SAP130: variants seen among roughly 807,000 people sequenced by gnomAD.
The protein encoded by SAP130 is histone deacetylase complex subunit SAP130.
SAP130 carries 16 observed loss-of-function variants against 103.2 expected under a neutral mutation model. The observed-to-expected ratio is 0.16, with a 90% confidence interval of 0.10 to 0.24. The LOEUF (loss-of-function observed/expected upper bound fraction) is 0.24, where lower values mean the gene tolerates loss of function less well. Among genes scored for constraint, SAP130 ranks in the 10% least tolerant of loss-of-function variants. The pLI, the probability that SAP130 is intolerant of heterozygous loss-of-function variation, is 1.00. For missense variants in SAP130, 990 were observed against 1,359.7 expected (o/e 0.73, Z 4.28); for synonymous variants, 477 against 497.0 (o/e 0.96, Z 0.53).
chr2:127,965,237 T>C (rs1205783371), intron 15 of SAP130, among the ~76,000 whole-genome samples: 3 of 150,176 alleles, frequency 2.0e-5, no homozygotes, highest in Non-Finnish European at 4.4e-5. Context: ...GCAGAGGTTG[T>C]GGTGAGCCGA....
intron 4 of SAP130, among the ~76,000 whole-genome samples, chr2:128,015,834 G>A (rs1469128484): frequency 2.0e-5 from 3 of 151,742 alleles, no homozygotes; most frequent in South Asian, 2.1e-4. Flanking sequence ...CTAGCTACTC[G>A]GGAGGCTGAG....
chr2:128,027,852 C>T, intron 1 of SAP130, 88 bp downstream of exon 1: 1 of 847,842 alleles, frequency 1.2e-6, no homozygotes, highest in Non-Finnish European at 1.4e-6. Context: ...CCCGGGGACG[C>T]GCAACGGGAC....
At chr2:127,945,883 G>A (rs907113228) in intron 18 of SAP130, among the ~76,000 whole-genome samples, 3 of 152,284 alleles carry the variant, frequency 2.0e-5, no homozygotes, top group Admixed American at 6.5e-5. Context: ...GAACTCCTGG[G>A]CTCAAGCAAT....
At chr2:128,025,252 G>A (rs952435275) in intron 2 of SAP130, among the ~76,000 whole-genome samples, 11 of 152,314 alleles carry the variant, frequency 7.2e-5, no homozygotes, top group Admixed American at 5.9e-4. Context: ...TTACCTTGCA[G>A]GATGTTAAGC....
intron 7 of SAP130, among the ~76,000 whole-genome samples, chr2:128,008,259 T>C (rs1048270069): frequency 6.6e-6 from 1 of 152,178 alleles, no homozygotes; most frequent in Non-Finnish European, 1.5e-5. Flanking sequence ...TTGGAGATCA[T>C]GAGGAAAAAC....
chr2:128,007,597 G>A (rs1026874724), intron 7 of SAP130, among the ~76,000 whole-genome samples: 4 of 152,106 alleles, frequency 2.6e-5, no homozygotes, highest in African/African-American at 9.7e-5. Flanking sequence ...TGTACCTCAG[G>A]CAACATATTT....
intron 14 of SAP130, among the ~76,000 whole-genome samples, chr2:127,981,132 G>A (rs934892868): frequency 6.6e-6 from 1 of 151,790 alleles, no homozygotes; most frequent in Non-Finnish European, 1.5e-5. Flanking sequence ...AGCTACCCGA[G>A]GGCAAAAGAC....
Position 128,028,005 on chromosome 2 carries a change from G to C in SAP130, c.-72C>G, listed in dbSNP as rs963465368. ...CGCTCCCGCGCGCTCTCCGTCTGTG[G>C]GGCCGACGTCCCCAGGCTCCGGACC... On this transcript the variant is annotated 5_prime_UTR_variant, in exon 1 of 21. Coordinates refer to ENST00000643581, the MANE Select transcript of SAP130 (RefSeq NM_001330301.2). The C allele has an allele frequency of 1.0e-6, 1 of 985,380 alleles. No homozygotes were observed. The highest frequency in any genetic ancestry group is 6.1e-5 in the Admixed American group (1 of 16,276). 61.0% of individuals were successfully genotyped at this position (985,380 alleles called of 1,614,324 possible). A position where few individuals can be genotyped will look rare whatever the true frequency, so the allele number is the denominator to read the frequency against.
At chr2:127,984,585 T>C (rs920047229) in intron 14 of SAP130, among the ~76,000 whole-genome samples, 2 of 152,174 alleles carry the variant, frequency 1.3e-5, no homozygotes, top group Non-Finnish European at 2.9e-5. Flanking sequence ...TCTTTAGAGC[T>C]TCCCCTTGGG....
Position 127,941,751 on chromosome 2 carries a change from G to T in SAP130, c.*255C>A. The T allele has an allele frequency of 2.1e-6, 1 of 467,400 alleles. No individual in the cohort carries two copies. Among genetic ancestry groups the T allele is most frequent in the Non-Finnish European group, 3.7e-6 (1 of 267,174 alleles). The allele number at this position is 467,400 out of a possible 1,614,324, so 29.0% of individuals were successfully genotyped here. A position where few individuals can be genotyped will look rare whatever the true frequency, so the allele number is the denominator to read the frequency against. On this transcript the variant is annotated 3_prime_UTR_variant, in exon 21 of 21. Coordinates refer to ENST00000643581, the MANE Select transcript of SAP130 (RefSeq NM_001330301.2). ...TCATTGCTTCCAACTGGTGGACACTGATGCATCCGGAGTCACTTATGACAC... is the reference window on the plus strand; with the variant it reads ...TCATTGCTTCCAACTGGTGGACACTTATGCATCCGGAGTCACTTATGACAC...
chr2:127,968,834 T>C (rs1274890099), intron 15 of SAP130, among the ~76,000 whole-genome samples: 2 of 152,204 alleles, frequency 1.3e-5, no homozygotes, highest in East Asian at 3.9e-4. Context: ...TCAAGTTCTG[T>C]ATGACTAACG....
intron 14 of SAP130, among the ~76,000 whole-genome samples, chr2:127,979,781 G>A (rs146699682): frequency 2.0e-5 from 3 of 152,204 alleles, no homozygotes; most frequent in African/African-American, 7.2e-5. Context: ...ATACGAGCAG[G>A]TAGGTAAGCA....
intron 15 of SAP130, among the ~76,000 whole-genome samples, chr2:127,976,406 G>T (rs1243014102): frequency 6.6e-6 from 1 of 152,032 alleles, no homozygotes; most frequent in Non-Finnish European, 1.5e-5. Flanking sequence ...AAACTGAAAG[G>T]GAATGGACAC....
chr2:127,967,214 A>C (rs1573683520), intron 15 of SAP130, among the ~76,000 whole-genome samples: 1 of 152,332 alleles, frequency 6.6e-6, no homozygotes, highest in Non-Finnish European at 1.5e-5. Context: ...AATGAACAAC[A>C]ATGTACATTT....
intron 16 of SAP130, among the ~76,000 whole-genome samples, chr2:127,951,571 T>A (rs998532319): frequency 6.6e-6 from 1 of 152,212 alleles, no homozygotes; most frequent in Non-Finnish European, 1.5e-5. Flanking sequence ...ATCCCTCTCA[T>A]GTCTATCCTC....
intron 12 of SAP130, among the ~76,000 whole-genome samples, chr2:127,991,132 A>G (rs1355441709): frequency 6.6e-6 from 1 of 151,924 alleles, no homozygotes; most frequent in East Asian, 1.9e-4. Flanking sequence ...TACCTATAAT[A>G]CTATCCACTG....
intron 2 of SAP130, among the ~76,000 whole-genome samples, chr2:128,023,252 C>T (rs913209851): frequency 2.0e-5 from 3 of 152,126 alleles, no homozygotes; most frequent in African/African-American, 7.2e-5. Context: ...CCTCAGCCTT[C>T]CAAAATGCTA....
chr2:127,944,275 A>C (rs565649296), intron 19 of SAP130, among the ~76,000 whole-genome samples: 3 of 152,220 alleles, frequency 2.0e-5, no homozygotes, highest in East Asian at 3.9e-4. Context: ...GGCCCAAGCA[A>C]TCCTCTTGCC....
At chr2:128,027,226 C>T (rs971935042) in intron 1 of SAP130, 3 of 1,202,474 alleles carry the variant, frequency 2.5e-6, no homozygotes, top group South Asian at 4.1e-5. Context: ...GCCCGGGGCC[C>T]GCTGCTGTCC....
Sources: allele counts gnomAD v4.1 joint callset (sites outside exome capture counted in the v4.1 genomes callset), GRCh38; gene constraint gnomAD v4.1.1; transcripts MANE v1.5; gene names NCBI Gene and HGNC (gene_info 2026-07-23, HGNC 2026-07-21).